Variants in PNMA8A observed in about 807,000 individuals in gnomAD.
PNMA8A encodes the protein PNMA family member 8A.
Under a neutral mutation model 26.6 loss-of-function variants are expected in PNMA8A, and 17 were observed. The ratio of observed to expected loss-of-function variants is 0.64; its 90% confidence interval spans 0.44 to 0.96. The LOEUF (loss-of-function observed/expected upper bound fraction) is 0.96, where lower values mean the gene tolerates loss of function less well. Among genes scored for constraint, PNMA8A ranks in the 40% least tolerant of loss-of-function variants. The pLI is 0.00. For missense variants in PNMA8A, 532 were observed against 488.4 expected (o/e 1.09, Z -0.84); for synonymous variants, 224 against 182.0 (o/e 1.23, Z -1.86).
rs536952346 is a variant in PNMA8A at position 46,468,795 on chromosome 19, G to A, written c.1304-218C>T. Among the ~76,000 whole-genome samples the A allele has an allele frequency of 9.9e-4, 150 of 152,082 alleles. 2 individuals are homozygous for A. The highest frequency in any genetic ancestry group is 2.6e-3 in the African/African-American group (106 of 41,502). ...GGGGGGAACAGGGTTTCACTCTATCGCCCAGGCTGGAGTGCAGCAGTGTGA... is the reference window on the plus strand; with the variant it reads ...GGGGGGAACAGGGTTTCACTCTATCACCCAGGCTGGAGTGCAGCAGTGTGA... On this transcript the variant is annotated intron_variant, in intron 2 of 2. Transcript: ENST00000313683.
chr19:46,471,316 G>T (rs1399744513), intron 1 of PNMA8A, 21 bp downstream of exon 1: 3 of 277,542 alleles, frequency 1.1e-5, no homozygotes, highest in African/African-American at 6.6e-5. Context: ...CTGACGCTCC[G>T]CCTGCCCAGC....
In PNMA8A at chr19:46,471,131, G is replaced by T; in HGVS notation, c.-79-17C>A. 1 of 637,482 alleles carries T rather than the reference G, an allele frequency of 1.6e-6. No homozygotes were observed. Among genetic ancestry groups the T allele is most frequent in the Non-Finnish European group, 2.8e-6 (1 of 354,872 alleles). The allele number at this position is 637,482 out of a possible 1,614,324, so 39.5% of individuals were successfully genotyped here. On this transcript the variant is annotated splice_polypyrimidine_tract_variant and intron_variant, in intron 1 of 2. Coordinates refer to ENST00000313683, the MANE Select transcript of PNMA8A (RefSeq NM_018215.4). ...ACAGTAATCCTGCAAGGTGACAAGG[G>T]AGCGAGGTCACGTTCCCAGGAAGAT...
rs534750078 is a variant in PNMA8A, at chr19:46,470,942, C to G, written c.94G>C (p.Glu32Gln). Reference protein sequence around the residue: ...HRSLLVTGIPEDCGQAEIEET... With the variant: ...HRSLLVTGIPQDCGQAEIEET... The stretch of plus-strand genomic sequence containing the variant: ...TCAATTTCTGCCTGCCCACAGTCCT[C>G]TGGGATGCCTGTGACCAACAAGGAC... The change falls in exon 2 of 3, where the codon GAG (glutamate) becomes CAG (glutamine). Residue 32 changes from glutamate (E) to glutamine (Q), a missense_variant. Glu to Gln is a conservative substitution (Grantham distance 29). Coordinates refer to ENST00000313683, the MANE Select transcript of PNMA8A (RefSeq NM_018215.4). The G allele has an allele frequency of 5.1e-6, 4 of 781,034 alleles. No individual in the cohort carries two copies. Among genetic ancestry groups the G allele is most frequent in the African/African-American group, 5.1e-5 (3 of 59,262 alleles). The allele number at this position is 781,034 out of a possible 1,614,324, so 48.4% of individuals were successfully genotyped here.
In PNMA8A at chr19:46,470,652, G is replaced by C. The variant is rs114855007; in HGVS notation, c.384C>G (p.Leu128=). 2 of 1,510,804 alleles carry C rather than the reference G, an allele frequency of 1.3e-6. No individual in the cohort carries two copies. Among genetic ancestry groups the C allele is most frequent in the Non-Finnish European group, 1.8e-6 (2 of 1,085,642 alleles). The allele number at this position is 1,510,804 out of a possible 1,614,324, so 93.6% of individuals were successfully genotyped here. A position where few individuals can be genotyped will look rare whatever the true frequency, so the allele number is the denominator to read the frequency against. ...GGGACAGGGTGGGGTGGTTGAGCTG[G>C]AGCAGGCGGACCACATCCTCCCAGG... The part of the protein sequence containing the change: ...GRTWEDVVRL[L]QLNHPTLSQN... Residue 128 remains leucine, a synonymous_variant, in exon 2 of 3, where the codon CTC becomes CTG. Coordinates refer to ENST00000313683, the MANE Select transcript of PNMA8A (RefSeq NM_018215.4).
Position 46,471,392 on chromosome 19 carries a change from G to A in PNMA8A, c.-135C>T. ...GGCCAAGGAGACGCAGTGGAATGCA[G>A]CCGTTTCCCAGTCGCTGGCTCCGGC... On this transcript the variant is annotated 5_prime_UTR_variant, in exon 1 of 3. Coordinates refer to ENST00000313683, the MANE Select transcript of PNMA8A (RefSeq NM_018215.4). The A allele has an allele frequency of 5.4e-6, 1 of 183,776 alleles. No homozygotes were observed. The highest frequency in any genetic ancestry group is 2.3e-5 in the African/African-American group (1 of 42,784). 11.4% of individuals were successfully genotyped at this position (183,776 alleles called of 1,614,324 possible). A position where few individuals can be genotyped will look rare whatever the true frequency, so the allele number is the denominator to read the frequency against.
In PNMA8A at chr19:46,468,128, TATGGCAGGGCCACCCAGCTCTTCCAA is replaced by T. The variant is rs1969732832; in HGVS notation, c.*407_*432del. On this transcript the variant is annotated 3_prime_UTR_variant, in exon 3 of 3. Coordinates refer to ENST00000313683, the MANE Select transcript of PNMA8A (RefSeq NM_018215.4). ...CACGAGAGGAAGGCGGGAGGAAGAA[TATGGCAGGGCCACCCAGCTCTTCCAA>T]ATGCCAGGGCCTGCAGAGGTCGCTG... The T allele has an allele frequency of 5.9e-6, 1 of 169,498 alleles. No individual in the cohort carries two copies. Among genetic ancestry groups the T allele is most frequent in the Admixed American group, 6.3e-5 (1 of 15,944 alleles). 10.5% of individuals were successfully genotyped at this position (169,498 alleles called of 1,614,324 possible). A position where few individuals can be genotyped will look rare whatever the true frequency, so the allele number is the denominator to read the frequency against.
intron 2 of PNMA8A, among the ~76,000 whole-genome samples, chr19:46,468,780 G>C (rs1375367780): frequency 6.6e-6 from 1 of 152,144 alleles, no homozygotes; most frequent in Admixed American, 6.6e-5. Context: ...GGGGGGAACA[G>C]GGTTTCACTC....
rs58113099 is a variant in PNMA8A, at chr19:46,467,332, AAC to A, written c.*1227_*1228del. ...TCTCTCCTCTACACATGCGCACGCA[AAC>A]ACACACACACACACACACAATGACA... On this transcript the variant is annotated 3_prime_UTR_variant, in exon 3 of 3. Transcript: ENST00000313683. 3.2e-4 allele frequency: 48 copies of A among 151,032 alleles called. No homozygotes were observed. Among genetic ancestry groups the A allele is most frequent in the African/African-American group, 8.7e-4 (36 of 41,198 alleles). 9.4% of individuals were successfully genotyped at this position (151,032 alleles called of 1,614,324 possible). A position where few individuals can be genotyped will look rare whatever the true frequency, so the allele number is the denominator to read the frequency against.
In PNMA8A at chr19:46,470,548, CAGA is replaced by C. The variant is rs766682957; in HGVS notation, c.485_487del (p.Phe162del). 1.2e-6 allele frequency: 2 copies of C among 1,614,052 alleles called. No homozygotes were observed. Among genetic ancestry groups the C allele is most frequent in the East Asian group, 4.5e-5 (2 of 44,882 alleles). ...CCGGCTGCGGATCTCGGCATCCATG[CAGA>C]AGATGATCTGCACCACTGCTCCCAG... is the stretch of plus-strand genomic sequence containing the variant. On this transcript the variant is annotated inframe_deletion, in exon 2 of 3. Coordinates refer to ENST00000313683, the MANE Select transcript of PNMA8A (RefSeq NM_018215.4).
rs1298004674 is a variant in PNMA8A at position 46,470,585 on chromosome 19, C to T, written c.451G>A (p.Gly151Arg). 1 of 1,613,912 alleles carries T rather than the reference C, an allele frequency of 6.2e-7. No homozygotes were observed. Among genetic ancestry groups the T allele is most frequent in the African/African-American group, 1.3e-5 (1 of 74,942 alleles). Residue 151 changes from glycine (G) to arginine (R), a missense_variant, in exon 2 of 3, where the codon GGG becomes AGG. Gly to Arg is a moderately radical substitution (Grantham distance 125). Coordinates refer to ENST00000313683, the MANE Select transcript of PNMA8A (RefSeq NM_018215.4). ...QPPENWAEALGVLLGAVVQII... is the reference protein window; with the variant it reads ...QPPENWAEALRVLLGAVVQII... ...TGCACCACTGCTCCCAGAAGCACCC[C>T]CAGAGCTTCTGCCCAGTTCTCTGGG...
rs1969774811 is a variant in PNMA8A, at chr19:46,470,540, C to T, written c.496G>A (p.Ala166Thr). The change falls in exon 2 of 3, where the codon GCC becomes ACC. Residue 166 changes from alanine (A) to threonine (T), a missense_variant. Physicochemically the swap from Ala to Thr is moderately conservative, Grantham distance 58. Transcript: ENST00000313683. Reference protein sequence around the residue: ...AVVQIIFCMDAEIRSREEARA... With the variant: ...AVVQIIFCMDTEIRSREEARA... ...GCTTCCTCCCGGCTGCGGATCTCGGCATCCATGCAGAAGATGATCTGCACC... is the reference window on the plus strand; with the variant it reads ...GCTTCCTCCCGGCTGCGGATCTCGGTATCCATGCAGAAGATGATCTGCACC... 6.2e-7 allele frequency: 1 copy of T among 1,614,076 alleles called. No homozygotes were observed.
chr19:46,466,528 C>G lies in PNMA8A; in HGVS notation c.*2033G>C, dbSNP rs1969708900. ...TTAATTTGCTAAACTTTATTTTATA[C>G]ATACACGTTTACATTTACTAGTCAT... On this transcript the variant is annotated 3_prime_UTR_variant, in exon 3 of 3. Coordinates refer to ENST00000313683, the MANE Select transcript of PNMA8A (RefSeq NM_018215.4). The G allele has an allele frequency of 6.6e-6, 1 of 152,142 alleles. No individual in the cohort carries two copies. The highest frequency in any genetic ancestry group is 2.4e-5 in the African/African-American group (1 of 41,422). The allele number at this position is 152,142 out of a possible 1,614,324, so 9.4% of individuals were successfully genotyped here. A position where few individuals can be genotyped will look rare whatever the true frequency, so the allele number is the denominator to read the frequency against.
chr19:46,469,608 G>A lies in PNMA8A; in HGVS notation c.1303+125C>T, dbSNP rs1217652393. ...TCATCCACCTCCTGCCATGCACCAGGGTCCTCCTCATCACCCGCTTGACCC... is the reference window on the plus strand; with the variant it reads ...TCATCCACCTCCTGCCATGCACCAGAGTCCTCCTCATCACCCGCTTGACCC... On this transcript the variant is annotated intron_variant, in intron 2 of 2. Transcript: ENST00000313683. 4 of 1,042,126 alleles carry A rather than the reference G, an allele frequency of 3.8e-6. No individual in the cohort carries two copies. The African/African-American group carries it at 4.8e-5, about 13-fold the overall frequency. The allele number at this position is 1,042,126 out of a possible 1,614,324, so 64.6% of individuals were successfully genotyped here. A position where few individuals can be genotyped will look rare whatever the true frequency, so the allele number is the denominator to read the frequency against.
chr19:46,470,907 C>T lies in PNMA8A; in HGVS notation c.129G>A (p.Leu43=), dbSNP rs759074488. ...GGCCCAGTGGGGAGAGGACCCCATTCAAGGTCTCCTCAATTTCTGCCTGCC... is the reference window on the plus strand; with the variant it reads ...GGCCCAGTGGGGAGAGGACCCCATTTAAGGTCTCCTCAATTTCTGCCTGCC... The part of the protein sequence containing the change: ...DCGQAEIEET[L]NGVLSPLGPY... The change falls in exon 2 of 3, where the codon TTG becomes TTA. Residue 43 remains leucine (L), a synonymous_variant. Coordinates refer to ENST00000313683, the MANE Select transcript of PNMA8A (RefSeq NM_018215.4). 1.5e-5 allele frequency: 12 copies of T among 781,010 alleles called. No individual in the cohort carries two copies. Among genetic ancestry groups the T allele is most frequent in the Non-Finnish European group, 2.6e-5 (11 of 418,124 alleles). 48.4% of individuals were successfully genotyped at this position (781,010 alleles called of 1,614,324 possible).
chr19:46,467,721 GATT>G lies in PNMA8A; in HGVS notation c.*837_*839del, dbSNP rs1263199618. 1.3e-5 allele frequency: 2 copies of G among 152,264 alleles called. No homozygotes were observed. The highest frequency in any genetic ancestry group is 4.8e-5 in the African/African-American group (2 of 41,402). 9.4% of individuals were successfully genotyped at this position (152,264 alleles called of 1,614,324 possible). ...CCCGGCCAACAGCCAAGTTTTAAAA[GATT>G]TTTTTCCCCTCTTACTATAATGTGA... On this transcript the variant is annotated 3_prime_UTR_variant, in exon 3 of 3. Transcript: ENST00000313683.
rs1191893394 is a variant in PNMA8A, at chr19:46,467,131, C to T, written c.*1430G>A. The stretch of plus-strand genomic sequence containing the variant: ...ATGCCTGAAATAACTAAGACGTGTA[C>T]AAAAACAAGTTAACCTATGAACACA... On this transcript the variant is annotated 3_prime_UTR_variant, in exon 3 of 3. Coordinates refer to ENST00000313683, the MANE Select transcript of PNMA8A (RefSeq NM_018215.4). The T allele has an allele frequency of 2.6e-5, 4 of 152,166 alleles. No individual in the cohort carries two copies. Among genetic ancestry groups the T allele is most frequent in the African/African-American group, 4.8e-5 (2 of 41,434 alleles). The allele number at this position is 152,166 out of a possible 1,614,324, so 9.4% of individuals were successfully genotyped here. A position where few individuals can be genotyped will look rare whatever the true frequency, so the allele number is the denominator to read the frequency against.
rs994047534 is a variant in PNMA8A at position 46,466,614 on chromosome 19, C to T, written c.*1947G>A. Reference sequence around the variant, plus strand: ...ACCCGTTTTGAAATTAGAAGCTGGACAGTTACAGGCTTTGGTCTCTTCAAG... The same window carrying T: ...ACCCGTTTTGAAATTAGAAGCTGGATAGTTACAGGCTTTGGTCTCTTCAAG... On this transcript the variant is annotated 3_prime_UTR_variant, in exon 3 of 3. Transcript: ENST00000313683. The T allele has an allele frequency of 1.3e-5, 2 of 152,178 alleles. No homozygotes were observed. Among genetic ancestry groups the T allele is most frequent in the African/African-American group, 2.4e-5 (1 of 41,438 alleles). 9.4% of individuals were successfully genotyped at this position (152,178 alleles called of 1,614,324 possible).
rs1200568997 is a variant in PNMA8A, at chr19:46,470,940, C to T, written c.96G>A (p.Glu32=). The change falls in exon 2 of 3, where the codon GAG becomes GAA. Residue 32 remains glutamate (E), a synonymous_variant. Coordinates refer to ENST00000313683, the MANE Select transcript of PNMA8A (RefSeq NM_018215.4). ...HRSLLVTGIP[E]DCGQAEIEET... is the part of the protein sequence containing the mutation. ...CCTCAATTTCTGCCTGCCCACAGTC[C>T]TCTGGGATGCCTGTGACCAACAAGG... 2 of 781,006 alleles carry T rather than the reference C, an allele frequency of 2.6e-6. No homozygotes were observed. Among genetic ancestry groups the T allele is most frequent in the Non-Finnish European group, 2.4e-6 (1 of 418,120 alleles). 48.4% of individuals were successfully genotyped at this position (781,006 alleles called of 1,614,324 possible).
intron 1 of PNMA8A, 104 bp downstream of exon 1, chr19:46,471,233 C>G (rs765291238): frequency 2.1e-5 from 11 of 527,858 alleles, no homozygotes; most frequent in Non-Finnish European, 3.3e-5. Flanking sequence ...ACACCCTCCT[C>G]CCCAACCCAG....
Sources: allele counts gnomAD v4.1 joint callset (sites outside exome capture counted in the v4.1 genomes callset), GRCh38; gene constraint gnomAD v4.1.1; transcripts MANE v1.5; gene names NCBI Gene and HGNC (gene_info 2026-07-23, HGNC 2026-07-21).